Variants in LPCAT3 observed in about 807,000 individuals in gnomAD.
The protein encoded by LPCAT3 is lysophospholipid acyltransferase 5.
Under a neutral mutation model 63.4 loss-of-function variants are expected in LPCAT3, and 21 were observed. The ratio of observed to expected loss-of-function variants is 0.33; its 90% CI spans 0.23 to 0.48. LPCAT3 has a LOEUF of 0.48. Among genes scored for constraint, LPCAT3 ranks in the 20% least tolerant of loss-of-function variants. The pLI is 0.99. For synonymous variants in LPCAT3, 242 were observed against 227.5 expected (o/e 1.06, Z -0.58); for missense variants, 451 against 590.6 (o/e 0.76, Z 2.45).
In LPCAT3 at chr12:6,977,143, G is replaced by A. The variant is rs1464559861; in HGVS notation, c.*3C>T. 6.3e-7 allele frequency: 1 copy of A among 1,579,044 alleles called. No individual in the cohort carries two copies. Among genetic ancestry groups the A allele is most frequent in the African/African-American group, 1.3e-5 (1 of 74,226 alleles). On this transcript the variant is annotated 3_prime_UTR_variant, in exon 12 of 13. Transcript: ENST00000261407. This position sits in a 1 kb window ranked among gnomAD's most constrained non-coding sequence, Gnocchi z 4.5. ...AGCTGTATTAACTTACCAGGGAAAT[G>A]GATTATTCCATCTTCTTTAACTTCT... is the stretch of plus-strand genomic sequence containing the variant.
intron 6 of LPCAT3, chr12:6,980,115 A>G (rs1946455251): frequency 6.7e-6 from 1 of 149,272 alleles, no homozygotes; most frequent in Admixed American, 6.8e-5. Context: ...AGGCATAGTC[A>G]TTGCTCGCTG....
chr12:6,986,738 G>T (rs1459407853), intron 1 of LPCAT3, among the ~76,000 whole-genome samples: 1 of 145,586 alleles, frequency 6.9e-6, no homozygotes, highest in Non-Finnish European at 1.5e-5. Flanking sequence ...AGCAGAGATT[G>T]CAGTGAGCAG....
At chr12:6,984,869 G>A (rs1946505492) in intron 1 of LPCAT3, among the ~76,000 whole-genome samples, 1 of 152,170 alleles carries the variant, frequency 6.6e-6, no homozygotes, top group Non-Finnish European at 1.5e-5. Context: ...ACAGGCGTGA[G>A]TCACTGTGCC....
intron 1 of LPCAT3, among the ~76,000 whole-genome samples, chr12:7,005,190 A>G (rs1284291844): frequency 6.6e-6 from 1 of 152,224 alleles, no homozygotes; most frequent in Non-Finnish European, 1.5e-5. Flanking sequence ...GGAATCATAC[A>G]ATATGTGGCC....
chr12:6,981,142 C>A lies in LPCAT3; in HGVS notation c.539G>T (p.Gly180Val). Residue 180 changes from glycine (G) to valine (V), a missense_variant, in exon 6 of 13, where the codon GGT becomes GTT. Gly to Val is a moderately radical substitution (Grantham distance 109). Around this residue, in one of 3 missense-constraint regions of LPCAT3, gnomAD observed 304 missense variants for 390.8 expected, o/e 0.78. Coordinates refer to ENST00000261407, the MANE Select transcript of LPCAT3 (RefSeq NM_005768.6). ...SSEQQKYAIR[G>V]VPSLLEVAGF... ...AGCAACTTCCAGCAGGGAAGGAACA[C>A]CACGTATGGCATATTTCTGTTGCTC... 4 of 1,613,256 alleles carry A rather than the reference C, an allele frequency of 2.5e-6. No homozygotes were observed. The highest frequency in any genetic ancestry group is 3.4e-6 in the Non-Finnish European group (4 of 1,179,728).
intron 1 of LPCAT3, among the ~76,000 whole-genome samples, chr12:7,004,038 T>A (rs1215568329): frequency 2.0e-5 from 3 of 152,114 alleles, no homozygotes; most frequent in African/African-American, 4.8e-5. Flanking sequence ...GAATCAGTGC[T>A]ATACAGAAAG....
In LPCAT3 at chr12:6,977,769, G is replaced by A. The variant is rs781793429; in HGVS notation, c.1041-24C>T. On this transcript the variant is annotated intron_variant, in intron 9 of 12. Coordinates refer to ENST00000261407, the MANE Select transcript of LPCAT3 (RefSeq NM_005768.6). The surrounding 1 kb of genome is among the most constrained non-coding windows in gnomAD (Gnocchi z 4.5). Reference sequence around the variant, plus strand: ...AGCTGGAGAAAAGGGTGGGTGGGGCGACCCTCAAACTGACTGGTCCTTGCA... The same window carrying A: ...AGCTGGAGAAAAGGGTGGGTGGGGCAACCCTCAAACTGACTGGTCCTTGCA... 1.3e-4 allele frequency: 202 copies of A among 1,613,240 alleles called. 1 individual carries two copies. The East Asian group carries it at 4.1e-3, about 33-fold the overall frequency.
At chr12:6,985,136 A>T (rs1016093996) in intron 1 of LPCAT3, among the ~76,000 whole-genome samples, 38 of 151,114 alleles carry the variant, frequency 2.5e-4, no homozygotes, top group African/African-American at 8.8e-4. Flanking sequence ...TCATGCCTGT[A>T]ATCCCAGCAC....
intron 1 of LPCAT3, among the ~76,000 whole-genome samples, chr12:6,989,468 G>A (rs926292384): frequency 6.6e-6 from 1 of 151,860 alleles, no homozygotes; most frequent in African/African-American, 2.4e-5. Context: ...CCGCCATCAC[G>A]CCCAGCTAAT....
chr12:6,996,092 C>T (rs1195698088), intron 1 of LPCAT3, among the ~76,000 whole-genome samples: 1 of 152,138 alleles, frequency 6.6e-6, no homozygotes, highest in Non-Finnish European at 1.5e-5. Context: ...TGCCAGCACC[C>T]GCAGGTTCTG....
At position 6,977,138 on chromosome 12, in the gene LPCAT3, G is replaced by A. The variant is rs1946413052; in HGVS notation, c.*8C>T. The A allele has an allele frequency of 3.2e-6, 5 of 1,565,366 alleles. No homozygotes were observed. Among genetic ancestry groups the A allele is most frequent in the Non-Finnish European group, 4.4e-6 (5 of 1,136,250 alleles). The stretch of plus-strand genomic sequence containing the variant: ...AGTTTAGCTGTATTAACTTACCAGG[G>A]AAATGGATTATTCCATCTTCTTTAA... On this transcript the variant is annotated 3_prime_UTR_variant, in exon 12 of 13. Coordinates refer to ENST00000261407, the MANE Select transcript of LPCAT3 (RefSeq NM_005768.6). This position sits in a 1 kb window ranked among gnomAD's most constrained non-coding sequence, Gnocchi z 4.5.
In LPCAT3 at chr12:6,990,560, AATAAATTG is replaced by A. The variant is rs1222398450; in HGVS notation, c.152-7029_152-7022del. Among the ~76,000 whole-genome samples the A allele has an allele frequency of 2.1e-4, 28 of 135,860 alleles. No homozygotes were observed. The South Asian group carries it at 3.2e-3, about 15-fold the overall frequency. The allele number at this position is 135,860 out of a possible 152,430, so 89.1% of individuals were successfully genotyped here. A position where few individuals can be genotyped will look rare whatever the true frequency, so the allele number is the denominator to read the frequency against. On this transcript the variant is annotated intron_variant, in intron 1 of 12. Transcript: ENST00000261407. ...AAATAAATAAATAAATAAATAAATA[AATAAATTG>A]AGCACCCCAAACAACTTTTGTTAAT...
intron 1 of LPCAT3, among the ~76,000 whole-genome samples, chr12:6,991,046 C>G (rs1555155461): frequency 6.6e-6 from 1 of 151,058 alleles, no homozygotes; most frequent in African/African-American, 2.4e-5. Context: ...AAATGTAAAC[C>G]ACTATATTTC....
intron 1 of LPCAT3, among the ~76,000 whole-genome samples, chr12:6,985,479 T>C (rs782642052): frequency 1.3e-3 from 201 of 152,064 alleles, no homozygotes; most frequent in African/African-American, 4.6e-3. Flanking sequence ...TTTGGGAGGC[T>C]GAGGTGGGTG....
chr12:6,977,357 C>G lies in LPCAT3; in HGVS notation c.1347+10G>C. On this transcript the variant is annotated intron_variant, in intron 11 of 12. Transcript: ENST00000261407. This position sits in a 1 kb window ranked among gnomAD's most constrained non-coding sequence, Gnocchi z 4.5. ...GTCCCTCCCAGTCTCACAAGCAGGCCTTCACTTGCCTTAAGCCATTTGTCC... is the reference window on the plus strand; with the variant it reads ...GTCCCTCCCAGTCTCACAAGCAGGCGTTCACTTGCCTTAAGCCATTTGTCC... 6.2e-7 allele frequency: 1 copy of G among 1,614,170 alleles called. No homozygotes were observed. The highest frequency in any genetic ancestry group is 1.1e-5 in the South Asian group (1 of 91,084).
chr12:7,003,689 G>A (rs1428839074), intron 1 of LPCAT3, among the ~76,000 whole-genome samples: 1 of 151,912 alleles, frequency 6.6e-6, no homozygotes, highest in East Asian at 1.9e-4. Context: ...TTGGGAGGCC[G>A]AGGCGGGTGG....
chr12:7,018,176 C>T lies in LPCAT3; in HGVS notation c.151+98G>A. The T allele has an allele frequency of 7.0e-6, 10 of 1,434,292 alleles. No homozygotes were observed. Among genetic ancestry groups the T allele is most frequent in the African/African-American group, 1.4e-5 (1 of 71,024 alleles). 88.8% of individuals were successfully genotyped at this position (1,434,292 alleles called of 1,614,324 possible). A position where few individuals can be genotyped will look rare whatever the true frequency, so the allele number is the denominator to read the frequency against. On this transcript the variant is annotated intron_variant, in intron 1 of 12. Coordinates refer to ENST00000261407, the MANE Select transcript of LPCAT3 (RefSeq NM_005768.6). This position sits in a 1 kb window ranked among gnomAD's most constrained non-coding sequence, Gnocchi z 4.9. ...TCACACCCGCACCCGGCACAGCCCTCCCGGGTGGCTCCGGGAAGAGAGGGA... is the reference window on the plus strand; with the variant it reads ...TCACACCCGCACCCGGCACAGCCCTTCCGGGTGGCTCCGGGAAGAGAGGGA...
intron 1 of LPCAT3, among the ~76,000 whole-genome samples, chr12:7,016,299 C>G (rs1184691947): frequency 6.8e-6 from 1 of 147,838 alleles, no homozygotes; most frequent in Non-Finnish European, 1.5e-5. Flanking sequence ...TTTTTGGAGA[C>G]AGAGTCTTGC....
rs1946675465 is a variant in LPCAT3, at chr12:7,000,467, A to G, written c.152-16928T>C. 4.1e-5 allele frequency among the ~76,000 whole-genome samples: 6 copies of G among 147,562 alleles called. No homozygotes were observed. In the South Asian group the frequency reaches 1.4e-3, roughly 34 times the overall value. Reference sequence around the variant, plus strand: ...CCGGGGCGTGGTGGCGGATGCCTGTAGTCCCAGCTACTCGGGAGGCTGAGG... The same window carrying G: ...CCGGGGCGTGGTGGCGGATGCCTGTGGTCCCAGCTACTCGGGAGGCTGAGG... On this transcript the variant is annotated intron_variant, in intron 1 of 12. Transcript: ENST00000261407.
Sources: gnomAD v4.1 joint callset for allele counts (sites outside exome capture counted in the v4.1 genomes callset) on GRCh38, gnomAD v4.1.1 for gene constraint, gnomAD v4.1.1 regional missense constraint, Gnocchi (gnomAD v3.1) non-coding constraint, MANE v1.5 for transcripts, NCBI Gene and HGNC (gene_info 2026-07-23, HGNC 2026-07-21) for gene names.